CARD10: variants seen among roughly 807,000 people sequenced by gnomAD.
The protein encoded by CARD10 is caspase recruitment domain-containing protein 10.
CARD10 carries 49 observed loss-of-function variants against 114.6 expected under a neutral mutation model. The ratio of observed to expected loss-of-function variants is 0.43; its 90% CI spans 0.34 to 0.54. The LOEUF (loss-of-function observed/expected upper bound fraction) is 0.54. CARD10 is among the 20% of genes least tolerant of loss of function. CARD10 has a pLI of 0.03. For missense variants in CARD10, 1,206 were observed against 1,397.2 expected (o/e 0.86, Z 2.18); for synonymous variants, 602 against 593.2 (o/e 1.01, Z -0.21).
chr22:37,496,911 C>G lies in CARD10; in HGVS notation c.1947+108G>C. 1 of 1,336,244 alleles carries G rather than the reference C, an allele frequency of 7.5e-7. No individual in the cohort carries two copies. Among genetic ancestry groups the G allele is most frequent in the South Asian group, 1.4e-5 (1 of 70,174 alleles). 82.8% of individuals were successfully genotyped at this position (1,336,244 alleles called of 1,614,324 possible). A position where few individuals can be genotyped will look rare whatever the true frequency, so the allele number is the denominator to read the frequency against. ...TCACTGAGCCCGCTTCGGCTTTGACCAATCCCCAGAAGCTCTGCCCGGTGA... is the reference window on the plus strand; with the variant it reads ...TCACTGAGCCCGCTTCGGCTTTGACGAATCCCCAGAAGCTCTGCCCGGTGA... On this transcript the variant is annotated intron_variant, in intron 12 of 19. Transcript: ENST00000251973. The surrounding 1 kb of genome is among the most constrained non-coding windows in gnomAD (Gnocchi z 4.1).
chr22:37,519,227 A>G lies in CARD10; in HGVS notation c.-27T>C, dbSNP rs1468613019. Reference sequence around the variant, plus strand: ...GCCGTGTCCTCAGGGTCTGCGGGCAAGAGGCGCACGGGGGTCGACCAGGGC... The same window carrying G: ...GCCGTGTCCTCAGGGTCTGCGGGCAGGAGGCGCACGGGGGTCGACCAGGGC... On this transcript the variant is annotated 5_prime_UTR_variant, in exon 1 of 20. Transcript: ENST00000251973. This position sits in a 1 kb window ranked among gnomAD's most constrained non-coding sequence, Gnocchi z 4.1. 3 of 1,485,804 alleles carry G rather than the reference A, an allele frequency of 2.0e-6. No individual in the cohort carries two copies. The highest frequency in any genetic ancestry group is 2.6e-5 in the South Asian group (2 of 77,016). 92.0% of individuals were successfully genotyped at this position (1,485,804 alleles called of 1,614,324 possible). A position where few individuals can be genotyped will look rare whatever the true frequency, so the allele number is the denominator to read the frequency against.
rs897818107 is a variant in CARD10 at position 37,510,267 on chromosome 22, G to C, written c.854C>G (p.Ala285Gly). ...TGACGCCGTCAGCCGCTGGTTCTCA[G>C]CACGCAGCTCAGAGACAAGGTCCAC... Reference protein sequence around the residue: ...DNVDLVSELRAENQRLTASLR... With the variant: ...DNVDLVSELRGENQRLTASLR... The change falls in exon 4 of 20, where the codon GCT becomes GGT. Residue 285 changes from alanine (A) to glycine (G), a missense_variant. This residue lies in a region of CARD10 where 1,068 missense variants were observed against 1,179.1 expected (regional missense o/e 0.91). Coordinates refer to ENST00000251973, the MANE Select transcript of CARD10 (RefSeq NM_014550.4). 44 of 1,604,526 alleles carry C rather than the reference G, an allele frequency of 2.7e-5. No homozygotes were observed. Among genetic ancestry groups the C allele is most frequent in the Non-Finnish European group, 3.7e-5 (44 of 1,179,980 alleles).
intron 15 of CARD10, chr22:37,494,599 G>C (rs1393340307): frequency 4.7e-6 from 1 of 214,120 alleles, no homozygotes; most frequent in African/African-American, 2.4e-5. Flanking sequence ...CAATAAAGAT[G>C]GCACTGATTT....
At position 37,510,117 on chromosome 22, in the gene CARD10, C is replaced by T; in HGVS notation, c.909+95G>A. 2.0e-6 allele frequency: 2 copies of T among 1,024,804 alleles called. 1 individual carries two copies. The highest frequency in any genetic ancestry group is 2.8e-5 in the South Asian group (2 of 70,442). The allele number at this position is 1,024,804 out of a possible 1,614,324, so 63.5% of individuals were successfully genotyped here. A position where few individuals can be genotyped will look rare whatever the true frequency, so the allele number is the denominator to read the frequency against. On this transcript the variant is annotated intron_variant, in intron 4 of 19. Transcript: ENST00000251973. ...CTACCTGCTGCAGGCCTTCCTGATC[C>T]CCCACCCCGCAGCCTGTGCCCACAA...
Position 37,491,300 on chromosome 22 carries a change from C to T in CARD10, c.2958G>A (p.Trp986Ter). Residue 986 changes from tryptophan to a stop codon, truncating the protein, a stop_gained, in exon 20 of 20, where the codon TGG (tryptophan) becomes TGA (stop). Transcript: ENST00000251973. LOFTEE classifies it low-confidence loss of function (END_TRUNC). ...EQVLWGLPCS[W>*]VQVPAHEWGH... ...CCCACTCATGGGCGGGCACCTGCAC[C>T]CAGGAGCAGGGCAGCCCCCAGAGCA... 1 of 1,567,682 alleles carries T rather than the reference C, an allele frequency of 6.4e-7. No individual in the cohort carries two copies. Among genetic ancestry groups the T allele is most frequent in the African/African-American group, 1.3e-5 (1 of 74,252 alleles).
intron 11 of CARD10, among the ~76,000 whole-genome samples, chr22:37,497,513 C>T (rs994432550): frequency 1.3e-5 from 2 of 152,156 alleles, no homozygotes; most frequent in African/African-American, 2.4e-5. Flanking sequence ...TATACTGTTC[C>T]GCTCTGTAGC....
intron 3 of CARD10, among the ~76,000 whole-genome samples, chr22:37,512,465 C>CCACACA (rs36080549): frequency 0.028 from 3,172 of 113,710 alleles, 113 homozygotes; most frequent in Middle Eastern, 0.047. Flanking sequence ...AGCCCCCCCT[C>CCACACA]CACACACACA....
At chr22:37,512,456 G>C (rs12166964) in intron 3 of CARD10, among the ~76,000 whole-genome samples, 66,788 of 134,428 alleles carry the variant, frequency 0.5, 17,322 homozygotes, top group African/African-American at 0.69. Flanking sequence ...TAGAATGGCA[G>C]CCCCCCCTCC....
intron 15 of CARD10, among the ~76,000 whole-genome samples, chr22:37,495,213 A>G (rs1347524931): frequency 3.9e-5 from 6 of 152,010 alleles, no homozygotes; most frequent in Non-Finnish European, 7.4e-5. Context: ...TGATCCGCCC[A>G]CCTCGGCCTC....
intron 9 of CARD10, 28 bp from the exon 10 acceptor site, chr22:37,503,241 C>T: frequency 6.2e-7 from 1 of 1,605,142 alleles, no homozygotes; most frequent in Non-Finnish European, 8.5e-7. Flanking sequence ...AGGGAGGGGG[C>T]AGGAGGTGAG....
At position 37,504,046 on chromosome 22, in the gene CARD10, A is replaced by G. The variant is rs192158429; in HGVS notation, c.1634+140T>C. The G allele has an allele frequency of 1.2e-4, 91 of 746,044 alleles. No homozygotes were observed. The African/African-American group carries it at 1.4e-3, about 12-fold the overall frequency. 46.2% of individuals were successfully genotyped at this position (746,044 alleles called of 1,614,324 possible). A position where few individuals can be genotyped will look rare whatever the true frequency, so the allele number is the denominator to read the frequency against. The stretch of plus-strand genomic sequence containing the variant: ...TGTGACTCACAGGACCTGGGTTTCC[A>G]GAGCTCCAGCCATCTGAGGGCAATA... On this transcript the variant is annotated intron_variant, in intron 9 of 19. Coordinates refer to ENST00000251973, the MANE Select transcript of CARD10 (RefSeq NM_014550.4).
intron 15 of CARD10, 64 bp from the exon 16 acceptor site, chr22:37,494,252 G>A (rs1246953473): frequency 3.5e-6 from 4 of 1,145,080 alleles, no homozygotes; most frequent in Non-Finnish European, 5.0e-6. Context: ...GGGAGAGGAG[G>A]AAACGGGACC....
intron 11 of CARD10, among the ~76,000 whole-genome samples, chr22:37,498,530 C>G (rs1342266763): frequency 1.3e-5 from 2 of 152,194 alleles, no homozygotes. Context: ...CACAGCTGCA[C>G]TGCCCCCTGC....
chr22:37,496,862 G>T lies in CARD10; in HGVS notation c.1947+157C>A. On this transcript the variant is annotated intron_variant, in intron 12 of 19. Transcript: ENST00000251973. This position sits in a 1 kb window ranked among gnomAD's most constrained non-coding sequence, Gnocchi z 4.1. ...GCCCAATCAGACTTCAATTAAGCCT[G>T]GCTGAGCAGGCAACCACAGCTAATC... 1 of 901,082 alleles carries T rather than the reference G, an allele frequency of 1.1e-6. No homozygotes were observed. 55.8% of individuals were successfully genotyped at this position (901,082 alleles called of 1,614,324 possible). A position where few individuals can be genotyped will look rare whatever the true frequency, so the allele number is the denominator to read the frequency against.
At chr22:37,517,238 G>A (rs1022951421) in intron 2 of CARD10, among the ~76,000 whole-genome samples, 2 of 152,204 alleles carry the variant, frequency 1.3e-5, no homozygotes, top group Admixed American at 1.3e-4. Context: ...CTTAAAACAA[G>A]TGTATGTAAC....
intron 4 of CARD10, among the ~76,000 whole-genome samples, chr22:37,509,693 AC>A (rs964001897): frequency 4.4e-5 from 5 of 114,428 alleles, no homozygotes; most frequent in Admixed American, 2.7e-4. Flanking sequence ...GGCCCTCCTG[AC>A]CCCCCCTCAA....
rs1220042061 is a variant in CARD10 at position 37,491,350 on chromosome 22, G to A, written c.2908C>T (p.Arg970Trp). 6 of 1,535,122 alleles carry A rather than the reference G, an allele frequency of 3.9e-6. No homozygotes were observed. Among genetic ancestry groups the A allele is most frequent in the Admixed American group, 3.8e-5 (2 of 52,804 alleles). ...ACCTGCTCTGAGCCACGGCACTGCC[G>A]CAGCAGCTCTGAGTCCCGCCAGCCC... ...RPGWRDSELL[R>W]QCRGSEQVLW... Residue 970 changes from arginine to tryptophan, a missense_variant, in exon 20 of 20, where the codon CGG becomes TGG. Coordinates refer to ENST00000251973, the MANE Select transcript of CARD10 (RefSeq NM_014550.4).
intron 10 of CARD10, 152 bp downstream of exon 10, chr22:37,503,033 G>T: frequency 1.1e-6 from 1 of 888,364 alleles, no homozygotes; most frequent in Non-Finnish European, 1.8e-6. Flanking sequence ...GTCCTCCCAA[G>T]CACAACCTTC....
intron 7 of CARD10, among the ~76,000 whole-genome samples, chr22:37,505,231 A>C (rs1237282537): frequency 6.6e-6 from 1 of 152,142 alleles, no homozygotes; most frequent in African/African-American, 2.4e-5. Context: ...TGGCCATGAA[A>C]AGGGACTCTG....
Sources: allele counts gnomAD v4.1 joint callset (sites outside exome capture counted in the v4.1 genomes callset), GRCh38; gene constraint gnomAD v4.1.1; regional missense constraint gnomAD v4.1.1; non-coding constraint Gnocchi (gnomAD v3.1); transcripts MANE v1.5; gene names NCBI Gene and HGNC (gene_info 2026-07-23, HGNC 2026-07-21).